Variants in FBXL17 observed in about 807,000 individuals in gnomAD.
FBXL17 encodes the protein F-box/LRR-repeat protein 17.
Under a neutral mutation model 66.2 loss-of-function variants are expected in FBXL17, and 22 were observed. That is an observed-to-expected ratio of 0.33 (90% CI 0.24 to 0.47). The LOEUF (loss-of-function observed/expected upper bound fraction) is 0.47. Among genes scored for constraint, FBXL17 ranks in the 20% least tolerant of loss-of-function variants. The pLI is 1.00. For synonymous variants in FBXL17, 474 were observed against 400.5 expected (o/e 1.18, Z -2.19); for missense variants, 878 against 948.2 (o/e 0.93, Z 0.97).
chr5:108,042,223 T>C (rs1392571705), intron 6 of FBXL17, among the ~76,000 whole-genome samples: 1 of 152,154 alleles, frequency 6.6e-6, no homozygotes, highest in Non-Finnish European at 1.5e-5. Context: ...TTTTATTTTG[T>C]AAGAACTGTA....
At chr5:108,102,704 A>C (rs1159059409) in intron 6 of FBXL17, among the ~76,000 whole-genome samples, 2 of 151,766 alleles carry the variant, frequency 1.3e-5, no homozygotes, top group African/African-American at 2.4e-5. Flanking sequence ...GTAGATATAC[A>C]GTACAAAATC....
At chr5:108,058,385 A>G (rs1370748643) in intron 6 of FBXL17, among the ~76,000 whole-genome samples, 1 of 151,892 alleles carries the variant, frequency 6.6e-6, no homozygotes, top group Non-Finnish European at 1.5e-5. Context: ...TACAGTCTAC[A>G]TGGATTCTTT....
intron 7 of FBXL17, among the ~76,000 whole-genome samples, chr5:107,904,925 G>T (rs10072706): frequency 6.6e-6 from 1 of 151,764 alleles, no homozygotes; most frequent in Non-Finnish European, 1.5e-5. Flanking sequence ...CTCATTTCCA[G>T]GGGTGAAGCA....
chr5:108,344,022 C>A (rs779559911), intron 4 of FBXL17, among the ~76,000 whole-genome samples: 7 of 152,120 alleles, frequency 4.6e-5, no homozygotes, highest in Non-Finnish European at 1.0e-4. Context: ...AGTATTGTAT[C>A]CTTTCTGCAA....
chr5:108,370,234 A>G (rs530376802), intron 1 of FBXL17, among the ~76,000 whole-genome samples: 36 of 152,306 alleles, frequency 2.4e-4, no homozygotes, highest in Admixed American at 2.4e-3. Flanking sequence ...ATTATAACAC[A>G]ATGATGTTGA....
chr5:107,953,376 C>T (rs186941825), intron 7 of FBXL17, among the ~76,000 whole-genome samples: 53 of 138,806 alleles, frequency 3.8e-4, no homozygotes, highest in South Asian at 9.5e-4. Context: ...GCACTCCAGC[C>T]TGGACGACAG....
At chr5:108,148,979 T>C (rs1751666664) in intron 6 of FBXL17, among the ~76,000 whole-genome samples, 1 of 152,230 alleles carries the variant, frequency 6.6e-6, no homozygotes, top group African/African-American at 2.4e-5. Flanking sequence ...TGAGTCCTCA[T>C]GACTCAAGCA....
intron 6 of FBXL17, among the ~76,000 whole-genome samples, chr5:108,102,844 T>A (rs945364475): frequency 8.5e-5 from 13 of 152,280 alleles, no homozygotes; most frequent in African/African-American, 2.2e-4. Flanking sequence ...AAATAATATA[T>A]CTTATAAGAT....
chr5:107,929,199 A>G (rs1750643260), intron 7 of FBXL17, among the ~76,000 whole-genome samples: 1 of 152,164 alleles, frequency 6.6e-6, no homozygotes, highest in South Asian at 2.1e-4. Flanking sequence ...AGAATAATTC[A>G]TTTTTAAATG....
chr5:108,184,473 AT>A (rs1451333574), intron 6 of FBXL17, among the ~76,000 whole-genome samples: 3 of 151,834 alleles, frequency 2.0e-5, no homozygotes, highest in Non-Finnish European at 2.9e-5. Flanking sequence ...GGCCTGGCTA[AT>A]TTTTTTGTAT....
At chr5:108,338,190 A>G (rs541990432) in intron 4 of FBXL17, among the ~76,000 whole-genome samples, 4 of 47,984 alleles carry the variant, frequency 8.3e-5, no homozygotes, top group African/African-American at 4.2e-4. Context: ...AGGAGTTACA[A>G]TGAAAAGCTA....
intron 5 of FBXL17, among the ~76,000 whole-genome samples, chr5:108,190,438 T>C (rs773114415): frequency 7.2e-5 from 11 of 152,200 alleles, no homozygotes; most frequent in Non-Finnish European, 1.5e-4. Flanking sequence ...GAGGTCTTCC[T>C]AAATTTCTTA....
intron 6 of FBXL17, among the ~76,000 whole-genome samples, chr5:108,026,515 T>C (rs1029542856): frequency 1.3e-5 from 2 of 152,224 alleles, no homozygotes; most frequent in African/African-American, 2.4e-5. Context: ...ATAGAAGAGA[T>C]GTTTACCGCA....
intron 4 of FBXL17, among the ~76,000 whole-genome samples, chr5:108,257,314 T>C (rs761137333): frequency 6.6e-6 from 1 of 152,184 alleles, no homozygotes; most frequent in Non-Finnish European, 1.5e-5. Flanking sequence ...CATAAGTTGA[T>C]TTCTGATTAC....
At chr5:108,174,667 C>A (rs950889045) in intron 6 of FBXL17, among the ~76,000 whole-genome samples, 1 of 144,612 alleles carries the variant, frequency 6.9e-6, no homozygotes, top group African/African-American at 2.6e-5. Flanking sequence ...AAAAGAAGCA[C>A]TTAAAAGTAC....
At chr5:107,996,495 A>G (rs6860327) in intron 7 of FBXL17, among the ~76,000 whole-genome samples, 27,200 of 152,042 alleles carry the variant, frequency 0.18, 6,809 homozygotes, top group African/African-American at 0.56. Context: ...TTGTATTTTT[A>G]GTAGAGACAA....
At chr5:108,042,019 C>T (rs1747066260) in intron 6 of FBXL17, among the ~76,000 whole-genome samples, 2 of 152,066 alleles carry the variant, frequency 1.3e-5, no homozygotes, top group African/African-American at 4.8e-5. Context: ...CCTCAACCTC[C>T]CAAGTAGCTG....
At chr5:108,032,836 G>A (rs1746697342) in intron 6 of FBXL17, among the ~76,000 whole-genome samples, 1 of 152,138 alleles carries the variant, frequency 6.6e-6, no homozygotes, top group African/African-American at 2.4e-5. Flanking sequence ...CAGTGTCTAA[G>A]AATGATATTA....
At chr5:107,886,946 C>T (rs1350667315) in intron 7 of FBXL17, among the ~76,000 whole-genome samples, 1 of 147,452 alleles carries the variant, frequency 6.8e-6, no homozygotes, top group Non-Finnish European at 1.5e-5. Context: ...GGAACTGTTA[C>T]AAATTGGAGG....
Sources: allele counts gnomAD v4.1 joint callset (sites outside exome capture counted in the v4.1 genomes callset), GRCh38; gene constraint gnomAD v4.1.1; transcripts MANE v1.5; gene names NCBI Gene and HGNC (gene_info 2026-07-23, HGNC 2026-07-21).